ARSG: variants seen among roughly 807,000 people sequenced by gnomAD.
The protein encoded by ARSG is ASG.
ARSG carries 37 observed loss-of-function variants against 50.5 expected under a neutral mutation model. The ratio of observed to expected loss-of-function variants is 0.73; its 90% CI spans 0.56 to 0.96. ARSG has a LOEUF of 0.96. Among genes scored for constraint, ARSG ranks in the 50% least tolerant of loss-of-function variants. The pLI is 0.00. For synonymous variants in ARSG, 225 were observed against 254.6 expected (o/e 0.88, Z 1.11); for missense variants, 629 against 675.3 (o/e 0.93, Z 0.76).
chr17:68,374,588 A>G (rs1008584659), intron 8 of ARSG, among the ~76,000 whole-genome samples: 1 of 152,172 alleles, frequency 6.6e-6, no homozygotes, highest in Non-Finnish European at 1.5e-5. Context: ...GCAGTGGCTC[A>G]TGCCTGTAGT....
chr17:68,397,107 A>G (rs1228168546), intron 10 of ARSG, among the ~76,000 whole-genome samples: 3 of 152,138 alleles, frequency 2.0e-5, no homozygotes, highest in Non-Finnish European at 4.4e-5. Flanking sequence ...CCTTTCTCAG[A>G]CGGGAGAGCT....
chr17:68,412,624 T>A (rs1046271137), intron 11 of ARSG, among the ~76,000 whole-genome samples: 7 of 152,190 alleles, frequency 4.6e-5, no homozygotes, highest in Non-Finnish European at 8.8e-5. Context: ...TTGAGGAATA[T>A]CTTTGTGGCG....
At chr17:68,266,460 T>C (rs1426460797) in intron 1 of ARSG, among the ~76,000 whole-genome samples, 1 of 95,484 alleles carries the variant, frequency 1.0e-5, no homozygotes, top group Non-Finnish European at 2.2e-5. Flanking sequence ...AAAAAGTATA[T>C]ATATGTATAT....
chr17:68,373,234 T>G (rs1246274768), intron 8 of ARSG, among the ~76,000 whole-genome samples: 3 of 38,540 alleles, frequency 7.8e-5, no homozygotes, highest in African/African-American at 5.9e-4. Flanking sequence ...TATTTTTCAA[T>G]TTTTTTTTTT....
intron 1 of ARSG, among the ~76,000 whole-genome samples, chr17:68,293,840 G>A (rs1403829640): frequency 2.0e-5 from 3 of 152,232 alleles, no homozygotes; most frequent in African/African-American, 7.2e-5. Context: ...CCCAACCTAC[G>A]CACAGCCTTG....
intron 11 of ARSG, among the ~76,000 whole-genome samples, chr17:68,407,389 G>A (rs558820721): frequency 5.3e-5 from 8 of 152,150 alleles, no homozygotes; most frequent in Non-Finnish European, 1.0e-4. Flanking sequence ...TTCTAATTCT[G>A]TGAAGAATGA....
intron 10 of ARSG, among the ~76,000 whole-genome samples, chr17:68,396,700 C>T (rs2081263737): frequency 6.6e-6 from 1 of 152,132 alleles, no homozygotes; most frequent in Admixed American, 6.5e-5. Context: ...ACCCAGCCTC[C>T]CCCAGCAAAC....
chr17:68,406,696 T>C (rs1404180416), intron 11 of ARSG, among the ~76,000 whole-genome samples: 1 of 152,240 alleles, frequency 6.6e-6, no homozygotes, highest in African/African-American at 2.4e-5. Context: ...TGTCTATTCA[T>C]GTGCTTAGCT....
intron 1 of ARSG, among the ~76,000 whole-genome samples, chr17:68,269,742 C>G (rs2075275927): frequency 7.8e-6 from 1 of 127,446 alleles, no homozygotes; most frequent in South Asian, 2.7e-4. Flanking sequence ...GGTGCAATCT[C>G]AGGTCACTGC....
intron 5 of ARSG, among the ~76,000 whole-genome samples, chr17:68,355,947 T>C (rs2079013545): frequency 6.6e-6 from 1 of 152,046 alleles, no homozygotes; most frequent in Non-Finnish European, 1.5e-5. Flanking sequence ...AGTGGGATGA[T>C]CTCAGTTCAC....
chr17:68,352,562 C>T lies in ARSG; in HGVS notation c.566+876C>T, dbSNP rs900258610. ...TGTTGCTCTCTTACCCAGGCTAGAG[C>T]GCAGTGGCGCGATCTCGGCTCACTG... is the stretch of plus-strand genomic sequence containing the variant. On this transcript the variant is annotated intron_variant, in intron 5 of 11. Transcript: ENST00000621439. Among the ~76,000 whole-genome samples, 23 of 148,850 alleles carry T rather than the reference C, an allele frequency of 1.5e-4. No individual in the cohort carries two copies. The South Asian group carries it at 3.4e-3, about 22-fold the overall frequency.
chr17:68,429,399 C>A, the ARSG span, among the ~76,000 whole-genome samples: 2 of 152,030 alleles, frequency 1.3e-5, no homozygotes, highest in Non-Finnish European at 2.9e-5. Flanking sequence ...CATAGGAGTC[C>A]GAACCTAGAA....
At chr17:68,373,213 A>G (rs1432519908) in intron 8 of ARSG, among the ~76,000 whole-genome samples, 5 of 127,316 alleles carry the variant, frequency 3.9e-5, no homozygotes, top group Non-Finnish European at 8.1e-5. Flanking sequence ...GTGCCCGGCC[A>G]TGATCATTTT....
intron 1 of ARSG, among the ~76,000 whole-genome samples, chr17:68,282,179 G>T (rs1343275692): frequency 6.6e-6 from 1 of 152,088 alleles, no homozygotes; most frequent in Non-Finnish European, 1.5e-5. Flanking sequence ...CCATAAAAAA[G>T]GATGAGTTCA....
chr17:68,321,995 T>TA (rs1457344180), intron 2 of ARSG, among the ~76,000 whole-genome samples: 1 of 152,128 alleles, frequency 6.6e-6, no homozygotes, highest in Non-Finnish European at 1.5e-5. Context: ...GGCCAGTTCA[T>TA]AAAGCTGCAT....
At chr17:68,389,780 C>T (rs2080904964) in intron 9 of ARSG, among the ~76,000 whole-genome samples, 1 of 152,094 alleles carries the variant, frequency 6.6e-6, no homozygotes, top group African/African-American at 2.4e-5. Context: ...CCAGATAAAA[C>T]GTTCTCAGCT....
chr17:68,361,199 G>A (rs184848789), intron 6 of ARSG, among the ~76,000 whole-genome samples: 1 of 152,072 alleles, frequency 6.6e-6, no homozygotes, highest in African/African-American at 2.4e-5. Context: ...ACCCTTAATG[G>A]GGTGGTATTA....
At chr17:68,274,443 G>A (rs1403504641) in intron 1 of ARSG, 2 of 163,358 alleles carry the variant, frequency 1.2e-5, no homozygotes, top group Non-Finnish European at 2.7e-5. Context: ...TCCATACTGG[G>A]TGACAGAGTG....
chr17:68,412,172 G>A (rs1166110416), intron 11 of ARSG, among the ~76,000 whole-genome samples: 1 of 149,646 alleles, frequency 6.7e-6, no homozygotes, highest in African/African-American at 2.4e-5. Flanking sequence ...TATGATGTTA[G>A]CTGGTTATTT....
Sources: allele counts gnomAD v4.1 joint callset (sites outside exome capture counted in the v4.1 genomes callset), GRCh38; gene constraint gnomAD v4.1.1; transcripts MANE v1.5; gene names NCBI Gene and HGNC (gene_info 2026-07-23, HGNC 2026-07-21).